Variants in PRSS23 observed in about 807,000 individuals in gnomAD.
The protein encoded by PRSS23 is serine protease 23.
A neutral mutation model predicts 34.7 loss-of-function variants in PRSS23; 25 were observed. The ratio of observed to expected loss-of-function variants is 0.72; its 90% CI spans 0.53 to 1.01. The LOEUF (loss-of-function observed/expected upper bound fraction) is 1.01. Ranked by LOEUF, PRSS23 falls within the 50% of genes least tolerant of loss-of-function variation. The probability of loss-of-function intolerance (pLI) is 0.00; values close to 1 mark genes in which losing one functional copy is unlikely to be tolerated. For missense variants in PRSS23, 445 were observed against 475.6 expected, an observed-to-expected ratio of 0.94 and a Z score of 0.60; for synonymous variants, 176 against 186.6, an observed-to-expected ratio of 0.94 and a Z score of 0.46.
intron 2 of PRSS23, among the ~76,000 whole-genome samples, chr11:86,872,970 G>C (rs1948694762): frequency 6.6e-6 from 1 of 151,944 alleles, no homozygotes; most frequent in Admixed American, 6.6e-5. Context: ...CTACATTGTA[G>C]GAACTCAGTT....
chr11:86,866,179 A>G (rs1028337700), intron 2 of PRSS23, among the ~76,000 whole-genome samples: 1 of 152,224 alleles, frequency 6.6e-6, no homozygotes, highest in Non-Finnish European at 1.5e-5. Context: ...TCAAAGTGGT[A>G]AGTTATCCTA....
At chr11:86,823,195 A>G (rs1948266299) in intron 1 of PRSS23, 2 of 598,042 alleles carry the variant, frequency 3.3e-6, no homozygotes, top group Non-Finnish European at 5.9e-6. Context: ...CATACAATTT[A>G]TTCAGTTCCT....
intron 2 of PRSS23, among the ~76,000 whole-genome samples, chr11:86,874,758 A>G (rs1948711223): frequency 6.6e-6 from 1 of 152,176 alleles, no homozygotes; most frequent in Non-Finnish European, 1.5e-5. Context: ...GATATTTTAT[A>G]GGGAGGATGG....
intron 2 of PRSS23, among the ~76,000 whole-genome samples, chr11:86,852,402 A>G (rs1948536851): frequency 6.6e-6 from 1 of 152,120 alleles, no homozygotes; most frequent in African/African-American, 2.4e-5. Context: ...TAATAATGCA[A>G]GAAGAAGAGA....
chr11:86,904,499 G>T (rs886884337), intron 2 of PRSS23, among the ~76,000 whole-genome samples: 5 of 152,110 alleles, frequency 3.3e-5, no homozygotes, highest in Non-Finnish European at 7.4e-5. Flanking sequence ...AGCTCAAGCA[G>T]TGCCTTTCCC....
chr11:86,915,667 T>C lies in PRSS23; in HGVS notation c.207-35549T>C, dbSNP rs1040640455. ...TGGTAATAATATAGTAACTGAAAGA[T>C]AGAAAATTTAAATGTCCAACAATAG... On this transcript the variant is annotated intron_variant, in intron 2 of 2. Coordinates refer to the PRSS23 transcript ENST00000533902. Among the ~76,000 whole-genome samples, 5 of 151,272 alleles carry C rather than the reference T, an allele frequency of 3.3e-5. No individual in the cohort carries two copies. The East Asian group carries it at 5.8e-4, about 18-fold the overall frequency.
In PRSS23 at chr11:86,827,237, G is replaced by A. The variant is rs186597709; in HGVS notation, c.206+3644G>A. Among the ~76,000 whole-genome samples the A allele has an allele frequency of 9.2e-4, 140 of 152,240 alleles. 3 individuals carry two copies. The highest frequency in any genetic ancestry group is 6.8e-3 in the Middle Eastern group (2 of 294). On this transcript the variant is annotated intron_variant, in intron 2 of 2. Coordinates refer to the PRSS23 transcript ENST00000533902. Reference sequence around the variant, plus strand: ...TTAGTCTTGGGAGGGTGTATGCATCGAGGAATTTATCCATTTCTTCCAGAT... The same window carrying A: ...TTAGTCTTGGGAGGGTGTATGCATCAAGGAATTTATCCATTTCTTCCAGAT...
At position 86,888,133 on chromosome 11, in the gene PRSS23, A is replaced by C. The variant is rs567958161; in HGVS notation, c.207-63083A>C. ...GGTTTTTTTTAAAAAAAAACAAAAC[A>C]AAACAAAACCTAAGCTGCCACATAA... is the stretch of plus-strand genomic sequence containing the variant. On this transcript the variant is annotated intron_variant, in intron 2 of 2. Coordinates refer to the PRSS23 transcript ENST00000533902. Among the ~76,000 whole-genome samples the C allele has an allele frequency of 2.8e-5, 4 of 145,160 alleles. No homozygotes were observed. In the East Asian group the frequency reaches 7.8e-4, roughly 28 times the overall value.
chr11:86,900,238 G>A (rs2134982866), intron 2 of PRSS23, among the ~76,000 whole-genome samples: 1 of 152,206 alleles, frequency 6.6e-6, no homozygotes, highest in South Asian at 2.1e-4. Context: ...TCTAATTGTA[G>A]ACACTTTGCA....
intron 2 of PRSS23, among the ~76,000 whole-genome samples, chr11:86,931,361 A>C (rs1949124637): frequency 6.6e-6 from 1 of 152,246 alleles, no homozygotes; most frequent in African/African-American, 2.4e-5. Context: ...CAAAAAATGA[A>C]TTAATAAGCA....
intron 2 of PRSS23, among the ~76,000 whole-genome samples, chr11:86,855,654 C>A (rs930588751): frequency 2.0e-5 from 3 of 152,184 alleles, no homozygotes; most frequent in African/African-American, 7.2e-5. Flanking sequence ...CACCAGCACA[C>A]CTGGCTAATT....
intron 2 of PRSS23, among the ~76,000 whole-genome samples, chr11:86,918,518 T>C (rs567158641): frequency 3.9e-5 from 6 of 152,244 alleles, no homozygotes; most frequent in African/African-American, 1.4e-4. Flanking sequence ...TCACCACCAT[T>C]AAAATCCCCA....
At chr11:86,869,475 C>T (rs141747072) in intron 2 of PRSS23, among the ~76,000 whole-genome samples, 2 of 152,122 alleles carry the variant, frequency 1.3e-5, no homozygotes, top group South Asian at 2.1e-4. Context: ...CAAGTTGCTC[C>T]GAGCCTAATG....
chr11:86,821,293 A>G, intron 1 of PRSS23: 1 of 567,458 alleles, frequency 1.8e-6, no homozygotes, highest in East Asian at 3.7e-5. Context: ...CATATTCATC[A>G]AATATCTACC....
downstream of PRSS23, among the ~76,000 whole-genome samples, chr11:86,813,013 A>C (rs1257098783): frequency 6.6e-6 from 1 of 152,066 alleles, no homozygotes; most frequent in Non-Finnish European, 1.5e-5. Context: ...CCAGCTTCTC[A>C]GTGGGCTCAT....
chr11:86,867,606 A>G (rs1474372674), intron 2 of PRSS23, among the ~76,000 whole-genome samples: 2 of 152,216 alleles, frequency 1.3e-5, no homozygotes, highest in Non-Finnish European at 2.9e-5. Flanking sequence ...TAAGCCAGGC[A>G]CAGTGGCTCA....
chr11:86,868,962 C>A (rs1031682572), intron 2 of PRSS23, among the ~76,000 whole-genome samples: 6 of 152,118 alleles, frequency 3.9e-5, no homozygotes, highest in African/African-American at 1.4e-4. Context: ...CAGACTTGCA[C>A]CACCATGCCC....
intron 2 of PRSS23, among the ~76,000 whole-genome samples, chr11:86,903,574 C>T (rs1948924679): frequency 6.7e-6 from 1 of 150,358 alleles, no homozygotes; most frequent in South Asian, 2.1e-4. Context: ...CCTCCACCTC[C>T]TGGGTTCATG....
intron 2 of PRSS23, among the ~76,000 whole-genome samples, chr11:86,854,639 T>C (rs1455041718): frequency 6.6e-6 from 1 of 152,220 alleles, no homozygotes; most frequent in Non-Finnish European, 1.5e-5. Flanking sequence ...CATGTTATAG[T>C]TTTAGCTCTT....
Sources: gnomAD v4.1 joint callset for allele counts (sites outside exome capture counted in the v4.1 genomes callset) on GRCh38, gnomAD v4.1.1 for gene constraint, MANE v1.5 for transcripts, NCBI Gene and HGNC (gene_info 2026-07-23, HGNC 2026-07-21) for gene names.